Variants in RNASE4 observed in about 807,000 individuals in gnomAD.
RNASE4 encodes the protein ribonuclease A family member 4, also known as ribonuclease 4.
For missense variants in RNASE4, 194 were observed against 192.8 expected (o/e 1.01, Z -0.04); for synonymous variants, 93 against 71.4 (o/e 1.30, Z -1.52).
intron 1 of RNASE4, among the ~76,000 whole-genome samples, chr14:20,691,127 C>G (rs968453713): frequency 6.6e-6 from 1 of 152,180 alleles, no homozygotes; most frequent in South Asian, 2.1e-4. Flanking sequence ...CAGCAATATC[C>G]CCACAAGTTA....
Position 20,699,738 on chromosome 14 carries a change from C to G in RNASE4, c.367C>G (p.Arg123Gly), listed in dbSNP as rs374269522. Residue 123 changes from arginine (R) to glycine (G), a missense_variant, in exon 2 of 2, where the codon CGG becomes GGG. Arg to Gly is a moderately radical substitution (Grantham distance 125). Transcript: ENST00000555835. ...TTCCAGGGCACCCAACTGCAGATAT[C>G]GGGCCATAGCGAGCACTAGACGTGT... is the stretch of plus-strand genomic sequence containing the variant. ...GSSRAPNCRY[R>G]AIASTRRVVI... The G allele has an allele frequency of 1.2e-6, 2 of 1,610,840 alleles. No homozygotes were observed. The highest frequency in any genetic ancestry group is 2.7e-5 in the African/African-American group (2 of 74,908).
At chr14:20,693,855 GTCT>G (rs1220977971) in intron 1 of RNASE4, 10 of 1,614,220 alleles carry the variant, frequency 6.2e-6, no homozygotes, top group Non-Finnish European at 7.6e-6. Flanking sequence ...GAATAAGCAA[GTCT>G]TCTTTCCAGG....
rs886050397 is a variant in RNASE4 at position 20,684,662 on chromosome 14, G to A, written c.-114G>A. ...AAAGAACATCTTTGCGTTTTCTACC[G>A]GCTCCCCATCATCGTACTAGGGAGG... is the stretch of plus-strand genomic sequence containing the variant. On this transcript the variant is annotated 5_prime_UTR_variant, in exon 1 of 2. Coordinates refer to ENST00000555835, the MANE Select transcript of RNASE4 (RefSeq NM_002937.5). 6.6e-6 allele frequency: 1 copy of A among 152,248 alleles called. No individual in the cohort carries two copies. The highest frequency in any genetic ancestry group is 6.5e-5 in the Admixed American group (1 of 15,284). The allele number at this position is 152,248 out of a possible 1,614,324, so 9.4% of individuals were successfully genotyped here.
chr14:20,692,901 G>A (rs1886846183), intron 1 of RNASE4, among the ~76,000 whole-genome samples: 1 of 152,050 alleles, frequency 6.6e-6, no homozygotes, highest in Non-Finnish European at 1.5e-5. Flanking sequence ...AGGCTGGAGT[G>A]CAGTGGCGCG....
intron 1 of RNASE4, chr14:20,694,093 A>G: frequency 6.8e-7 from 1 of 1,474,986 alleles, no homozygotes; most frequent in Non-Finnish European, 9.5e-7. Context: ...GGCAACATTC[A>G]TTGCCAAGGG....
intron 1 of RNASE4, among the ~76,000 whole-genome samples, chr14:20,692,061 AT>A (rs1453284489): frequency 6.6e-6 from 1 of 152,260 alleles, no homozygotes; most frequent in Admixed American, 6.5e-5. Context: ...GAAAATGTTC[AT>A]TGACTTACAC....
chr14:20,693,061 A>G (rs550864873), intron 1 of RNASE4, among the ~76,000 whole-genome samples: 14 of 151,658 alleles, frequency 9.2e-5, no homozygotes, highest in South Asian at 6.2e-4. Context: ...GGTAGCCAGG[A>G]TGGTCTCGAT....
chr14:20,699,707 A>G lies in RNASE4; in HGVS notation c.336A>G (p.Thr112=), dbSNP rs1285384287. The G allele has an allele frequency of 6.2e-7, 1 of 1,609,928 alleles. No homozygotes were observed. Among genetic ancestry groups the G allele is most frequent in the Admixed American group, 1.7e-5 (1 of 60,028 alleles). Residue 112 remains threonine, a synonymous_variant, in exon 2 of 2, where the codon ACA becomes ACG. Coordinates refer to ENST00000555835, the MANE Select transcript of RNASE4 (RefSeq NM_002937.5). ...TGAAGGTCACAGATTGCAGGGACACAGGAAGTTCCAGGGCACCCAACTGCA... is the reference window on the plus strand; with the variant it reads ...TGAAGGTCACAGATTGCAGGGACACGGGAAGTTCCAGGGCACCCAACTGCA... ...GVVKVTDCRD[T]GSSRAPNCRY...
At chr14:20,690,244 A>AAAAAG (rs1566599960) in intron 1 of RNASE4, among the ~76,000 whole-genome samples, 10 of 149,852 alleles carry the variant, frequency 6.7e-5, no homozygotes, top group South Asian at 2.1e-4. Flanking sequence ...AAAAAAAAAA[A>AAAAAG]AAAAGAAAAG....
At chr14:20,698,511 T>C (rs1887166792) in intron 1 of RNASE4, among the ~76,000 whole-genome samples, 1 of 152,254 alleles carries the variant, frequency 6.6e-6, no homozygotes. Flanking sequence ...TCCATTTAAT[T>C]GCATTTGTTC....
intron 1 of RNASE4, among the ~76,000 whole-genome samples, chr14:20,685,813 G>A (rs1325571891): frequency 6.6e-6 from 1 of 152,010 alleles, no homozygotes; most frequent in Non-Finnish European, 1.5e-5. Context: ...AGGCCGAGGT[G>A]GGTGCATCAC....
chr14:20,688,758 G>C, intron 1 of RNASE4: 1 of 985,252 alleles, frequency 1.0e-6, no homozygotes, highest in Non-Finnish European at 1.2e-6. Context: ...TATATAATCA[G>C]AACCTGGAGA....
intron 1 of RNASE4, chr14:20,694,061 C>A: frequency 6.3e-7 from 1 of 1,599,800 alleles, no homozygotes; most frequent in South Asian, 1.1e-5. Flanking sequence ...TTCCATTTCC[C>A]CTCTGCACCC....
Position 20,684,571 on chromosome 14 carries a change from A to G in RNASE4, c.-205A>G, listed in dbSNP as rs1389343369. 1 of 152,248 alleles carries G rather than the reference A, an allele frequency of 6.6e-6. No individual in the cohort carries two copies. Among genetic ancestry groups the G allele is most frequent in the Non-Finnish European group, 1.5e-5 (1 of 68,094 alleles). The allele number at this position is 152,248 out of a possible 1,614,324, so 9.4% of individuals were successfully genotyped here. A position where few individuals can be genotyped will look rare whatever the true frequency, so the allele number is the denominator to read the frequency against. ...ACCCTCCACACCTCACCACGCCCCC[A>G]TCTCCGTCCGTGTACACACACTCAC... On this transcript the variant is annotated 5_prime_UTR_variant, in exon 1 of 2. Transcript: ENST00000555835.
chr14:20,699,491 C>T lies in RNASE4; in HGVS notation c.120C>T (p.His40=), dbSNP rs749582712. The change falls in exon 2 of 2, where the codon CAC becomes CAT. Residue 40 remains histidine (H), a synonymous_variant. Transcript: ENST00000555835. ...TGTACCAGCGATTCCTGCGGCAACA[C>T]GTGCACCCTGAGGAGACAGGTGGCA... ...DGMYQRFLRQ[H]VHPEETGGSD... The T allele has an allele frequency of 3.7e-6, 6 of 1,614,014 alleles. No homozygotes were observed. Among genetic ancestry groups the T allele is most frequent in the Middle Eastern group, 1.6e-4 (1 of 6,084 alleles).
rs767567791 is a variant in RNASE4 at position 20,699,749 on chromosome 14, G to A, written c.378G>A (p.Ala126=). The change falls in exon 2 of 2, where the codon GCG becomes GCA. Residue 126 remains alanine, a synonymous_variant. Coordinates refer to ENST00000555835, the MANE Select transcript of RNASE4 (RefSeq NM_002937.5). ...RAPNCRYRAI[A]STRRVVIACE... Reference sequence around the variant, plus strand: ...CCAACTGCAGATATCGGGCCATAGCGAGCACTAGACGTGTTGTCATTGCCT... The same window carrying A: ...CCAACTGCAGATATCGGGCCATAGCAAGCACTAGACGTGTTGTCATTGCCT... 17 of 1,611,566 alleles carry A rather than the reference G, an allele frequency of 1.1e-5. No individual in the cohort carries two copies. In the African/African-American group the frequency reaches 1.1e-4, roughly 10 times the overall value.
Position 20,699,459 on chromosome 14 carries a change from G to T in RNASE4, c.88G>T (p.Asp30Tyr), listed in dbSNP as rs963506803. ...LGLVQPSYGQ[D>Y]GMYQRFLRQH... Reference sequence around the variant, plus strand: ...GCTGGTCCAGCCCTCCTATGGCCAGGATGGCATGTACCAGCGATTCCTGCG... The same window carrying T: ...GCTGGTCCAGCCCTCCTATGGCCAGTATGGCATGTACCAGCGATTCCTGCG... Residue 30 changes from aspartate (D) to tyrosine (Y), a missense_variant, in exon 2 of 2, where the codon GAT (aspartate) becomes TAT (tyrosine). Physicochemically the swap from Asp to Tyr is radical, Grantham distance 160. Coordinates refer to ENST00000555835, the MANE Select transcript of RNASE4 (RefSeq NM_002937.5). 1 of 1,613,962 alleles carries T rather than the reference G, an allele frequency of 6.2e-7. No homozygotes were observed. The highest frequency in any genetic ancestry group is 2.2e-5 in the East Asian group (1 of 44,870).
intron 1 of RNASE4, chr14:20,688,958 TC>T: frequency 1.5e-6 from 1 of 672,900 alleles, no homozygotes; most frequent in Non-Finnish European, 1.8e-6. Context: ...CTTTAAAGCC[TC>T]CAGGCTCAAG....
intron 1 of RNASE4, among the ~76,000 whole-genome samples, chr14:20,690,015 A>T (rs1886641159): frequency 6.7e-6 from 1 of 148,920 alleles, no homozygotes; most frequent in Admixed American, 6.7e-5. Context: ...GGAGATCGAG[A>T]CCATCCTGGC....
Sources: gnomAD v4.1 joint callset for allele counts (sites outside exome capture counted in the v4.1 genomes callset) on GRCh38, gnomAD v4.1.1 for gene constraint, MANE v1.5 for transcripts, NCBI Gene and HGNC (gene_info 2026-07-23, HGNC 2026-07-21) for gene names.